Variants in ESRRG observed in about 807,000 individuals in gnomAD.
ESRRG encodes the protein estrogen related receptor gamma.
Under a neutral mutation model 44.0 loss-of-function variants are expected in ESRRG, and 13 were observed. That is an observed-to-expected ratio of 0.30 (90% CI 0.19 to 0.47). ESRRG has a LOEUF of 0.47. ESRRG is among the 20% of genes least tolerant of loss of function. The pLI, the probability that ESRRG is intolerant of heterozygous loss-of-function variation, is 1.00. For missense variants in ESRRG, 395 were observed against 580.6 expected, an observed-to-expected ratio of 0.68 and a Z score of 3.29; for synonymous variants, 215 against 214.6, an observed-to-expected ratio of 1.00 and a Z score of -0.02.
At chr1:216,548,726 C>G (rs1379141236) in intron 5 of ESRRG, among the ~76,000 whole-genome samples, 5 of 152,004 alleles carry the variant, frequency 3.3e-5, no homozygotes, top group African/African-American at 9.7e-5. Context: ...ACATAGAGCA[C>G]TGTTATAAAT....
At chr1:216,989,311 T>C (rs1214124467) in intron 1 of ESRRG, among the ~76,000 whole-genome samples, 1 of 151,080 alleles carries the variant, frequency 6.6e-6, no homozygotes, top group Non-Finnish European at 1.5e-5. Context: ...AATTAGCCAG[T>C]CATGGTGGCA....
chr1:216,912,179 A>G (rs2060483506), intron 2 of ESRRG, among the ~76,000 whole-genome samples: 1 of 19,640 alleles, frequency 5.1e-5, no homozygotes, highest in Non-Finnish European at 8.4e-5. Context: ...AGAAAAGAAA[A>G]GAAAAGGAGA....
intron 5 of ESRRG, among the ~76,000 whole-genome samples, chr1:216,544,698 A>C (rs948252520): frequency 3.3e-5 from 5 of 151,992 alleles, no homozygotes; most frequent in African/African-American, 9.7e-5. Context: ...CTCTATTACA[A>C]ATATAATACC....
chr1:216,903,106 T>C (rs1458942191), intron 2 of ESRRG, among the ~76,000 whole-genome samples: 1 of 152,216 alleles, frequency 6.6e-6, no homozygotes, highest in African/African-American at 2.4e-5. Flanking sequence ...TATACATGTT[T>C]CTCAGAGCTT....
intron 3 of ESRRG, among the ~76,000 whole-genome samples, chr1:216,639,312 G>A (rs2065923496): frequency 6.6e-6 from 1 of 152,150 alleles, no homozygotes; most frequent in Admixed American, 6.6e-5. Context: ...AGGGTGAAGG[G>A]AGAGAAAGTT....
chr1:216,542,258 C>T (rs899911163), intron 5 of ESRRG, among the ~76,000 whole-genome samples: 5 of 151,740 alleles, frequency 3.3e-5, no homozygotes, highest in Admixed American at 3.3e-4. Context: ...CTATGTTCCT[C>T]CCAGATGTGG....
At chr1:216,566,717 T>C (rs908840544) in intron 4 of ESRRG, among the ~76,000 whole-genome samples, 1 of 152,208 alleles carries the variant, frequency 6.6e-6, no homozygotes, top group Non-Finnish European at 1.5e-5. Flanking sequence ...ATGTGCAAAA[T>C]CTGTTTAATG....
chr1:217,136,340 C>G (rs762279044), intron 1 of ESRRG, among the ~76,000 whole-genome samples: 8 of 152,214 alleles, frequency 5.3e-5, no homozygotes, highest in Non-Finnish European at 1.2e-4. Flanking sequence ...AAGGTGAGTG[C>G]GGAAGGCACA....
chr1:216,621,510 C>T (rs907848905), intron 3 of ESRRG, among the ~76,000 whole-genome samples: 2 of 152,154 alleles, frequency 1.3e-5, no homozygotes, highest in East Asian at 1.9e-4. Flanking sequence ...AGCCACGCCC[C>T]TTAGAAGAAA....
At chr1:216,937,298 A>G (rs1422831861) in intron 2 of ESRRG, among the ~76,000 whole-genome samples, 3 of 152,156 alleles carry the variant, frequency 2.0e-5, no homozygotes, top group Non-Finnish European at 4.4e-5. Context: ...AAAAGGTATT[A>G]AAGTACCAAT....
intron 1 of ESRRG, among the ~76,000 whole-genome samples, chr1:216,976,867 AGCCT>A (rs2073034335): frequency 6.6e-6 from 1 of 152,174 alleles, no homozygotes; most frequent in Non-Finnish European, 1.5e-5. Flanking sequence ...TTCCATATCC[AGCCT>A]AAGTCAAGTT....
intron 6 of ESRRG, among the ~76,000 whole-genome samples, chr1:216,508,004 A>G (rs1362267529): frequency 6.6e-6 from 1 of 152,254 alleles, no homozygotes; most frequent in African/African-American, 2.4e-5. Context: ...TTAATTATAT[A>G]CAAGTTTGAA....
intron 1 of ESRRG, among the ~76,000 whole-genome samples, chr1:216,971,497 C>T (rs1229823724): frequency 6.6e-6 from 1 of 152,134 alleles, no homozygotes; most frequent in Non-Finnish European, 1.5e-5. Flanking sequence ...TGATATAAAA[C>T]AGAAAAGCCA....
intron 1 of ESRRG, among the ~76,000 whole-genome samples, chr1:216,999,638 C>T (rs936391258): frequency 6.6e-6 from 1 of 152,140 alleles, no homozygotes; most frequent in African/African-American, 2.4e-5. Context: ...TTTACCAACA[C>T]CCTGGCTGAA....
intron 2 of ESRRG, among the ~76,000 whole-genome samples, chr1:216,935,561 C>A (rs935787736): frequency 6.6e-6 from 1 of 152,012 alleles, no homozygotes; most frequent in Admixed American, 6.6e-5. Context: ...CAGAAGCTCC[C>A]CATGTTCAGC....
intron 2 of ESRRG, among the ~76,000 whole-genome samples, chr1:216,774,125 T>C (rs1275635604): frequency 6.6e-6 from 1 of 152,084 alleles, no homozygotes; most frequent in East Asian, 1.9e-4. Context: ...AACCCAAACA[T>C]GGACTTCTTG....
At chr1:216,564,448 C>T (rs2149545369) in intron 4 of ESRRG, 68 bp from the exon 5 acceptor site, 1 of 1,278,392 alleles carries the variant, frequency 7.8e-7, no homozygotes, top group Non-Finnish European at 1.1e-6. Context: ...AACCCTAGAG[C>T]ATTTTGTGTT....
chr1:216,923,232 C>A (rs1318126867), intron 2 of ESRRG, among the ~76,000 whole-genome samples: 1 of 152,178 alleles, frequency 6.6e-6, no homozygotes, highest in East Asian at 1.9e-4. Flanking sequence ...ACATATGCAG[C>A]CAAGCTAATT....
chr1:216,915,487 T>C (rs2061041297), intron 2 of ESRRG, among the ~76,000 whole-genome samples: 1 of 152,152 alleles, frequency 6.6e-6, no homozygotes. Context: ...ACTTTGAACA[T>C]TCAAAGTTCA....
Sources: allele counts gnomAD v4.1 joint callset (sites outside exome capture counted in the v4.1 genomes callset), GRCh38; gene constraint gnomAD v4.1.1; transcripts MANE v1.5; gene names NCBI Gene and HGNC (gene_info 2026-07-23, HGNC 2026-07-21).